Variants in ZNF608 observed in about 807,000 individuals in gnomAD.
ZNF608 encodes zinc finger protein 608.
Under a neutral mutation model 109.0 loss-of-function variants are expected in ZNF608, and 12 were observed. The observed-to-expected ratio is 0.11, with a 90% CI of 0.07 to 0.18. The LOEUF is 0.18. Ranked by LOEUF, ZNF608 falls within the 10% of genes least tolerant of loss-of-function variation. The probability of loss-of-function intolerance (pLI) is 1.00; values close to 1 mark genes in which losing one functional copy is unlikely to be tolerated. For missense variants in ZNF608, 1,707 were observed against 1,879.3 expected (o/e 0.91, Z 1.70); for synonymous variants, 732 against 717.4 (o/e 1.02, Z -0.33).
At chr5:124,701,733 A>C (rs1156659025) in intron 2 of ZNF608, among the ~76,000 whole-genome samples, 1 of 152,268 alleles carries the variant, frequency 6.6e-6, no homozygotes, top group East Asian at 1.9e-4. Flanking sequence ...AATGAATTAA[A>C]TCACTACTAA....
intron 3 of ZNF608, among the ~76,000 whole-genome samples, chr5:124,690,653 GC>G (rs1226031306): frequency 1.3e-5 from 2 of 151,908 alleles, no homozygotes; most frequent in Non-Finnish European, 2.9e-5. Flanking sequence ...TTGAAGACCA[GC>G]CTGGGCAACA....
intron 3 of ZNF608, among the ~76,000 whole-genome samples, chr5:124,676,975 G>T (rs1411489926): frequency 6.6e-6 from 1 of 152,104 alleles, no homozygotes; most frequent in Non-Finnish European, 1.5e-5. Flanking sequence ...TCACTGAGGG[G>T]TTAAAAAAGT....
chr5:124,651,324 G>A (rs192844420), intron 3 of ZNF608, among the ~76,000 whole-genome samples: 5 of 152,216 alleles, frequency 3.3e-5, no homozygotes. Flanking sequence ...GGAAAGGGGA[G>A]GGGGTGGGAG....
chr5:124,644,763 A>C (rs897982750), intron 5 of ZNF608, 102 bp from the exon 6 acceptor site: 2 of 962,100 alleles, frequency 2.1e-6, no homozygotes, highest in Middle Eastern at 2.9e-4. Context: ...AGCACTCTTA[A>C]TTTTAATGCT....
chr5:124,649,195 A>G, intron 4 of ZNF608, 62 bp from the exon 5 acceptor site: 1 of 1,397,386 alleles, frequency 7.2e-7, no homozygotes, highest in East Asian at 2.3e-5. Context: ...TGAAATCACA[A>G]AGTACACAAT....
chr5:124,745,121 C>A lies in ZNF608; in HGVS notation c.-132G>T. ...TCTAATCTTCCTCTTCTTTTTCCTG[C>A]CCCACGAATGTGTCCAGGGATTTTA... On this transcript the variant is annotated 5_prime_UTR_variant, in exon 2 of 10. Coordinates refer to ENST00000513986, the MANE Select transcript of ZNF608 (RefSeq NM_020747.3). The A allele has an allele frequency of 3.5e-6, 5 of 1,444,896 alleles. No individual in the cohort carries two copies. Among genetic ancestry groups the A allele is most frequent in the Non-Finnish European group, 4.5e-6 (5 of 1,107,914 alleles). The allele number at this position is 1,444,896 out of a possible 1,614,324, so 89.5% of individuals were successfully genotyped here.
At chr5:124,657,637 T>C (rs1054314705) in intron 3 of ZNF608, among the ~76,000 whole-genome samples, 4 of 152,136 alleles carry the variant, frequency 2.6e-5, no homozygotes, top group Admixed American at 2.6e-4. Context: ...ATCGCACCAC[T>C]GCACTCCAGC....
At chr5:124,746,097 T>C in intron 1 of ZNF608, 98 bp downstream of exon 1, 1 of 984,130 alleles carries the variant, frequency 1.0e-6, no homozygotes, top group Non-Finnish European at 1.2e-6. Context: ...TTAAAACGGT[T>C]TTTAAAGGGA....
intron 2 of ZNF608, among the ~76,000 whole-genome samples, chr5:124,721,929 G>A (rs776412853): frequency 1.0e-4 from 6 of 58,642 alleles, no homozygotes; most frequent in Non-Finnish European, 1.4e-4. Flanking sequence ...GCGACAGAAT[G>A]AGACTCTGTC....
At chr5:124,696,130 G>A (rs535395598) in intron 3 of ZNF608, among the ~76,000 whole-genome samples, 39 of 151,832 alleles carry the variant, frequency 2.6e-4, no homozygotes, top group African/African-American at 8.7e-4. Flanking sequence ...GTTGCAGTGG[G>A]CAAAGATCAT....
At chr5:124,670,921 T>TC (rs1355823042) in intron 3 of ZNF608, among the ~76,000 whole-genome samples, 1 of 152,148 alleles carries the variant, frequency 6.6e-6, no homozygotes, top group East Asian at 1.9e-4. Flanking sequence ...TTCTACCCCC[T>TC]CCCCTTCTCC....
Position 124,689,317 on chromosome 5 carries a change from T to C in ZNF608, c.1162+11697A>G, listed in dbSNP as rs151163739. Among the ~76,000 whole-genome samples, 4 of 152,128 alleles carry C rather than the reference T, an allele frequency of 2.6e-5. No individual in the cohort carries two copies. The East Asian group carries it at 7.7e-4, about 29-fold the overall frequency. On this transcript the variant is annotated intron_variant, in intron 3 of 9. Transcript: ENST00000513986. ...TTTTTTAATTAGCCAGGTGTGGTGG[T>C]ACACACCACCTGTAGTCCCAGCTAC...
At chr5:124,693,800 G>C (rs1041401099) in intron 3 of ZNF608, among the ~76,000 whole-genome samples, 11 of 151,770 alleles carry the variant, frequency 7.2e-5, no homozygotes, top group Non-Finnish European at 1.2e-4. Context: ...AAAACAAGTA[G>C]GTCCAAGAGT....
intron 5 of ZNF608, 59 bp downstream of exon 5, chr5:124,646,620 T>C: frequency 3.9e-6 from 6 of 1,538,272 alleles, no homozygotes; most frequent in Non-Finnish European, 5.3e-6. Context: ...AGCCCAGACA[T>C]GTATAATACA....
Position 124,716,666 on chromosome 5 carries a change from T to C in ZNF608, c.907-15397A>G, listed in dbSNP as rs566351062. Among the ~76,000 whole-genome samples, 3 of 152,346 alleles carry C rather than the reference T, an allele frequency of 2.0e-5. No homozygotes were observed. The East Asian group carries it at 5.8e-4, about 29-fold the overall frequency. On this transcript the variant is annotated intron_variant, in intron 2 of 9. Transcript: ENST00000513986. ...GTGAAATTTTTTCAGGTAGCTTTAG[T>C]GTTAAGTGCATTCTCCTGCATTCTT...
chr5:124,670,340 T>TC (rs1313809866), intron 3 of ZNF608, among the ~76,000 whole-genome samples: 1 of 152,000 alleles, frequency 6.6e-6, no homozygotes, highest in East Asian at 1.9e-4. Flanking sequence ...TTTCTTTCTT[T>TC]TTTTTTTTAA....
At chr5:124,690,459 C>A (rs1421316975) in intron 3 of ZNF608, among the ~76,000 whole-genome samples, 2 of 152,172 alleles carry the variant, frequency 1.3e-5, no homozygotes, top group Non-Finnish European at 2.9e-5. Context: ...ATACGCTATG[C>A]ATGTGTAGGG....
chr5:124,670,029 A>C (rs6868237), intron 3 of ZNF608, among the ~76,000 whole-genome samples: 260 of 152,314 alleles, frequency 1.7e-3, no homozygotes, highest in African/African-American at 6.1e-3. Flanking sequence ...GTCACTAAGG[A>C]GCCTGGAACA....
chr5:124,664,594 TC>T (rs1244882458), intron 3 of ZNF608, among the ~76,000 whole-genome samples: 1 of 152,124 alleles, frequency 6.6e-6, no homozygotes, highest in East Asian at 1.9e-4. Flanking sequence ...GTGTGTCAGG[TC>T]CTTTTATTAT....
Sources: gnomAD v4.1 joint callset for allele counts (sites outside exome capture counted in the v4.1 genomes callset) on GRCh38, gnomAD v4.1.1 for gene constraint, MANE v1.5 for transcripts, NCBI Gene and HGNC (gene_info 2026-07-23, HGNC 2026-07-21) for gene names.